Variants in HNRNPUL1 observed in about 807,000 individuals in gnomAD.
The protein encoded by HNRNPUL1 is heterogeneous nuclear ribonucleoprotein U-like protein 1.
HNRNPUL1 carries 14 observed loss-of-function variants against 108.5 expected under a neutral mutation model. The ratio of observed to expected loss-of-function variants is 0.13; its 90% CI spans 0.09 to 0.20. HNRNPUL1 has a LOEUF of 0.20. Ranked by LOEUF, HNRNPUL1 falls within the 10% of genes least tolerant of loss-of-function variation. The pLI is 1.00. For synonymous variants in HNRNPUL1, 422 were observed against 445.2 expected (o/e 0.95, Z 0.66); for missense variants, 804 against 1,168.3 (o/e 0.69, Z 4.55).
intron 7 of HNRNPUL1, among the ~76,000 whole-genome samples, chr19:41,287,780 G>T (rs1016811276): frequency 1.3e-5 from 2 of 151,936 alleles, no homozygotes; most frequent in African/African-American, 4.8e-5. Flanking sequence ...GGCTAGTCTC[G>T]AACTCCTGAC....
rs757384508 is a variant in HNRNPUL1 at position 41,276,218 on chromosome 19, A to G, written c.706A>G (p.Ile236Val). The G allele has an allele frequency of 1.2e-6, 2 of 1,613,884 alleles. No homozygotes were observed. Among genetic ancestry groups the G allele is most frequent in the Non-Finnish European group, 1.7e-6 (2 of 1,179,984 alleles). ...RDRSSGYPLT[I>V]EGFAYLWSGA... ...TCGGAGTAGTGGCTATCCGCTCACA[A>G]TTGAGGGCTTTGCATACCTGTGGTC... Residue 236 changes from isoleucine (I) to valine (V), a missense_variant, in exon 5 of 15, where the codon ATT becomes GTT. By Grantham distance (29) the Ile-to-Val change is conservative (BLOSUM62 3). Around this residue, in one of 4 missense-constraint regions of HNRNPUL1, gnomAD observed 174 missense variants for 296.6 expected, o/e 0.59. Transcript: ENST00000392006.
chr19:41,294,298 A>G lies in HNRNPUL1; in HGVS notation c.1267-40A>G. ...TCACCACCGAGCCAAGTGGTGCCATACCACCATGCCGCAACACCTTCCCTG... is the reference window on the plus strand; with the variant it reads ...TCACCACCGAGCCAAGTGGTGCCATGCCACCATGCCGCAACACCTTCCCTG... On this transcript the variant is annotated intron_variant, in intron 8 of 14. Coordinates refer to ENST00000392006, the MANE Select transcript of HNRNPUL1 (RefSeq NM_007040.6). The surrounding 1 kb of genome is among the most constrained non-coding windows in gnomAD (Gnocchi z 4.3). 3.7e-6 allele frequency: 6 copies of G among 1,609,230 alleles called. No homozygotes were observed. The highest frequency in any genetic ancestry group is 5.1e-6 in the Non-Finnish European group (6 of 1,176,892).
chr19:41,285,295 C>G (rs894909333), intron 7 of HNRNPUL1, among the ~76,000 whole-genome samples: 3 of 152,144 alleles, frequency 2.0e-5, no homozygotes, highest in Non-Finnish European at 4.4e-5. Flanking sequence ...GGTATGATCT[C>G]AGCTCACTGC....
chr19:41,288,977 T>C (rs2036421277), intron 7 of HNRNPUL1, among the ~76,000 whole-genome samples: 1 of 152,212 alleles, frequency 6.6e-6, no homozygotes, highest in Non-Finnish European at 1.5e-5. Flanking sequence ...GTTGTATTCC[T>C]TCTTGAAAGT....
At position 41,264,664 on chromosome 19, in the gene HNRNPUL1, C is replaced by A. The variant is rs751766236; in HGVS notation, c.161C>A (p.Pro54Gln). 72 of 1,581,724 alleles carry A rather than the reference C, an allele frequency of 4.6e-5. No homozygotes were observed. The highest frequency in any genetic ancestry group is 6.7e-5 in the South Asian group (6 of 89,140). ...DERELDADDE[P>Q]GRPGHINEEV... ...CGGGAGCTCGACGCCGACGACGAAC[C>A]GGGGCGACCCGGGCACATCAACGAG... Residue 54 changes from proline to glutamine, a missense_variant, in exon 1 of 15, where the codon CCG (proline) becomes CAG (glutamine). Around this residue, in one of 4 missense-constraint regions of HNRNPUL1, gnomAD observed 256 missense variants for 261.6 expected, o/e 0.98. Coordinates refer to ENST00000392006, the MANE Select transcript of HNRNPUL1 (RefSeq NM_007040.6).
At chr19:41,269,898 A>G (rs980394347) in intron 2 of HNRNPUL1, among the ~76,000 whole-genome samples, 3 of 152,038 alleles carry the variant, frequency 2.0e-5, no homozygotes, top group Non-Finnish European at 2.9e-5. Flanking sequence ...CAGGAGTTCA[A>G]GACCAGCCTG....
intron 7 of HNRNPUL1, among the ~76,000 whole-genome samples, chr19:41,288,393 C>T (rs976707953): frequency 7.9e-5 from 12 of 151,938 alleles, no homozygotes; most frequent in Admixed American, 3.9e-4. Flanking sequence ...TACAGGCATG[C>T]GCCAGCATGC....
intron 4 of HNRNPUL1, among the ~76,000 whole-genome samples, chr19:41,275,606 G>C (rs1019715587): frequency 2.6e-5 from 4 of 152,132 alleles, no homozygotes; most frequent in African/African-American, 9.7e-5. Flanking sequence ...CCCATCCTTG[G>C]ATCCCACCAG....
Position 41,292,590 on chromosome 19 carries a change from T to G in HNRNPUL1, c.1266+79T>G. ...CACACACACACACACACACACAGAC[T>G]TGCTGCGAGAGTAGCCTTGGGGCAA... On this transcript the variant is annotated intron_variant, in intron 8 of 14. Coordinates refer to ENST00000392006, the MANE Select transcript of HNRNPUL1 (RefSeq NM_007040.6). The surrounding 1 kb of genome is among the most constrained non-coding windows in gnomAD (Gnocchi z 4.1). 1 of 1,484,980 alleles carries G rather than the reference T, an allele frequency of 6.7e-7. No individual in the cohort carries two copies. The highest frequency in any genetic ancestry group is 9.3e-7 in the Non-Finnish European group (1 of 1,075,062). The allele number at this position is 1,484,980 out of a possible 1,614,324, so 92.0% of individuals were successfully genotyped here. A position where few individuals can be genotyped will look rare whatever the true frequency, so the allele number is the denominator to read the frequency against.
chr19:41,304,354 A>G, intron 13 of HNRNPUL1, 93 bp downstream of exon 13: 1 of 1,515,384 alleles, frequency 6.6e-7, no homozygotes, highest in Admixed American at 2.2e-5. Flanking sequence ...GGAAATCAAC[A>G]CATGCCCCAG....
chr19:41,283,636 A>G (rs567565933), intron 7 of HNRNPUL1, among the ~76,000 whole-genome samples: 1 of 152,090 alleles, frequency 6.6e-6, no homozygotes, highest in Non-Finnish European at 1.5e-5. Context: ...TTGTATTTTT[A>G]GTAGAGTTGG....
chr19:41,284,482 A>G (rs910895339), intron 7 of HNRNPUL1, among the ~76,000 whole-genome samples: 1 of 151,966 alleles, frequency 6.6e-6, no homozygotes, highest in African/African-American at 2.4e-5. Context: ...CTTGGGCATC[A>G]TGGTGAAAAC....
chr19:41,267,364 A>G (rs781528059), intron 1 of HNRNPUL1, among the ~76,000 whole-genome samples: 1 of 152,158 alleles, frequency 6.6e-6, no homozygotes, highest in South Asian at 2.1e-4. Flanking sequence ...GAAGAGGAGC[A>G]TTGTGCTTGG....
At chr19:41,296,066 G>A (rs1010762362) in intron 10 of HNRNPUL1, among the ~76,000 whole-genome samples, 3 of 152,218 alleles carry the variant, frequency 2.0e-5, no homozygotes, top group Non-Finnish European at 4.4e-5. Context: ...AGGGAGAGCA[G>A]TAATACCATT....
At chr19:41,268,492 G>C (rs1489619607) in intron 2 of HNRNPUL1, 147 bp downstream of exon 2, 1 of 857,694 alleles carries the variant, frequency 1.2e-6, no homozygotes, top group Non-Finnish European at 1.7e-6. Flanking sequence ...GGCAAGAATT[G>C]TTTAAAGGAA....
intron 10 of HNRNPUL1, among the ~76,000 whole-genome samples, chr19:41,301,156 C>G (rs1349174877): frequency 2.0e-5 from 3 of 152,180 alleles, no homozygotes; most frequent in Non-Finnish European, 2.9e-5. Flanking sequence ...AGGGCTGGCA[C>G]TAAGGGAACA....
chr19:41,267,472 C>T (rs2034922120), intron 1 of HNRNPUL1, among the ~76,000 whole-genome samples: 1 of 152,154 alleles, frequency 6.6e-6, no homozygotes, highest in Non-Finnish European at 1.5e-5. Context: ...CAACAAAGTC[C>T]TTTGAGCCCC....
intron 4 of HNRNPUL1, 32 bp downstream of exon 4, chr19:41,274,087 CTTACAGTCAGTA>C: frequency 6.4e-7 from 1 of 1,570,852 alleles, no homozygotes; most frequent in Non-Finnish European, 8.8e-7. Context: ...CTAATTCTGC[CTTACAGTCAGTA>C]TGGGGAAATT....
At chr19:41,305,190 A>G (rs1261830287) in intron 13 of HNRNPUL1, among the ~76,000 whole-genome samples, 4 of 152,124 alleles carry the variant, frequency 2.6e-5, no homozygotes, top group Admixed American at 6.5e-5. Context: ...CCTAGGTTCT[A>G]TATGGAGATT....
Sources: gnomAD v4.1 joint callset for allele counts (sites outside exome capture counted in the v4.1 genomes callset) on GRCh38, gnomAD v4.1.1 for gene constraint, gnomAD v4.1.1 regional missense constraint, Gnocchi (gnomAD v3.1) non-coding constraint, MANE v1.5 for transcripts, NCBI Gene and HGNC (gene_info 2026-07-23, HGNC 2026-07-21) for gene names.